The following HPRT1 variants were observed in gnomAD, a reference collection of about 807,000 sequenced individuals.
The protein encoded by HPRT1 is hypoxanthine phosphoribosyltransferase 1, also known as hypoxanthine-guanine phosphoribosyltransferase.
HPRT1 carries 4 observed loss-of-function variants against 19.0 expected under a neutral mutation model. The observed-to-expected ratio is 0.21, with a 90% CI of 0.10 to 0.48. The LOEUF (loss-of-function observed/expected upper bound fraction) is 0.48. Among genes scored for constraint, HPRT1 ranks in the 20% least tolerant of loss-of-function variants. The pLI, the probability that HPRT1 is intolerant of heterozygous loss-of-function variation, is 0.98. For missense variants in HPRT1, 65 were observed against 164.0 expected (o/e 0.40, Z 3.30); for synonymous variants, 53 against 54.9 (o/e 0.97, Z 0.15).
intron 3 of HPRT1, among the ~76,000 whole-genome samples, chrX:134,482,291 G>A (rs1467974214): frequency 9.0e-6 from 1 of 111,726 alleles, no homozygotes; most frequent in East Asian, 2.8e-4. Context: ...CTGGGCTTAA[G>A]CGATCCTCCC....
intron 5 of HPRT1, among the ~76,000 whole-genome samples, chrX:134,491,319 T>C (rs1381752756): frequency 9.0e-6 from 1 of 110,762 alleles, no homozygotes; most frequent in African/African-American, 3.3e-5. Context: ...GTTTTCAAGG[T>C]TCATTCATGT....
At chrX:134,498,792 G>C in intron 8 of HPRT1, 108 bp downstream of exon 8, 1 of 566,218 alleles carries the variant, frequency 1.8e-6, no homozygotes, top group South Asian at 2.5e-5. Flanking sequence ...CAGACTGATG[G>C]TTCCCATTAG....
At chrX:134,492,595 A>G in intron 5 of HPRT1, 1 of 323,604 alleles carries the variant, frequency 3.1e-6, no homozygotes, top group Non-Finnish European at 6.0e-6. Context: ...GCTCCCAGAT[A>G]TTTAAAGGCT....
At chrX:134,460,460 C>A in intron 1 of HPRT1, 122 bp downstream of exon 1, 2 of 511,390 alleles carry the variant, frequency 3.9e-6, no homozygotes, top group Non-Finnish European at 2.7e-6. Context: ...ACCCCGCAGG[C>A]GGGGGCGGCC....
intron 3 of HPRT1, among the ~76,000 whole-genome samples, chrX:134,483,708 C>T (rs1173396532): frequency 2.7e-5 from 3 of 111,565 alleles, no homozygotes; most frequent in Non-Finnish European, 5.7e-5. Context: ...GAGGGAGGTT[C>T]GCGCAGTTCC....
At chrX:134,491,694 C>T (rs1479344347) in intron 5 of HPRT1, among the ~76,000 whole-genome samples, 1 of 109,448 alleles carries the variant, frequency 9.1e-6, no homozygotes, top group Non-Finnish European at 1.9e-5. Context: ...CTTGATACCC[C>T]TTTCCTCTTC....
chrX:134,497,636 AAAAAGAAAAG>A (rs997842883), intron 6 of HPRT1, among the ~76,000 whole-genome samples: 3 of 108,961 alleles, frequency 2.8e-5, no homozygotes, highest in African/African-American at 1.0e-4. Flanking sequence ...CCATCTCAAA[AAAAAGAAAAG>A]AAAAGAAAAG....
chrX:134,493,619 T>C (rs370309875), intron 6 of HPRT1, 29 bp downstream of exon 6: 38 of 994,042 alleles, frequency 3.8e-5, no homozygotes, highest in South Asian at 2.3e-4. Flanking sequence ...CACAGAATAT[T>C]TTCCTCATTT....
intron 1 of HPRT1, among the ~76,000 whole-genome samples, chrX:134,464,250 G>A (rs1457060038): frequency 1.8e-5 from 2 of 112,018 alleles, no homozygotes; most frequent in Non-Finnish European, 3.8e-5. Flanking sequence ...TAGTTTATTT[G>A]TAAGACTGAT....
intron 6 of HPRT1, among the ~76,000 whole-genome samples, chrX:134,497,329 T>C (rs2077683591): frequency 9.3e-6 from 1 of 107,747 alleles, no homozygotes; most frequent in South Asian, 4.0e-4. Context: ...ACTCATCTCT[T>C]TAAAAAAAAG....
At chrX:134,468,819 T>C (rs1366326144) in intron 1 of HPRT1, among the ~76,000 whole-genome samples, 2 of 111,724 alleles carry the variant, frequency 1.8e-5, no homozygotes, top group Non-Finnish European at 3.8e-5. Context: ...TTAAGAGGAC[T>C]TAGACTTTTT....
chrX:134,466,167 C>T (rs1278731170), intron 1 of HPRT1, among the ~76,000 whole-genome samples: 2 of 110,572 alleles, frequency 1.8e-5, no homozygotes, highest in African/African-American at 3.3e-5. Context: ...CACCTGTAAT[C>T]CCAGCACTTT....
chrX:134,489,461 C>T (rs2077661329), intron 4 of HPRT1, among the ~76,000 whole-genome samples: 1 of 111,340 alleles, frequency 9.0e-6, no homozygotes, highest in East Asian at 2.8e-4. Context: ...ATGATGAGAG[C>T]TACAGATAAA....
At position 134,478,443 on chromosome X, in the gene HPRT1, C is replaced by T. The variant is rs186812423; in HGVS notation, c.318+3079C>T. Among the ~76,000 whole-genome samples the T allele has an allele frequency of 2.7e-3, 296 of 110,358 alleles. 1 individual carries two copies. Among genetic ancestry groups the T allele is most frequent in the African/African-American group, 9.1e-3 (277 of 30,340 alleles). On this transcript the variant is annotated intron_variant, in intron 3 of 8. Coordinates refer to ENST00000298556, the MANE Select transcript of HPRT1 (RefSeq NM_000194.3). ...ACCAGCCTAGACAACATAATGAGAC[C>T]CCCTCTCTACACAAAAAGAATTAGT... is the stretch of plus-strand genomic sequence containing the variant.
chrX:134,465,128 GCAGGCCAGGGGTGATC>G (rs1389139877), intron 1 of HPRT1, among the ~76,000 whole-genome samples: 2 of 107,593 alleles, frequency 1.9e-5, no homozygotes. Context: ...ACCATGTTGG[GCAGGCCAGGGGTGATC>G]CGCCCACCTC....
chrX:134,470,688 C>T (rs1447557402), intron 1 of HPRT1, among the ~76,000 whole-genome samples: 4 of 110,667 alleles, frequency 3.6e-5, no homozygotes, highest in Non-Finnish European at 7.5e-5. Context: ...TTTATTTCTT[C>T]AAATAGACTT....
rs200027842 is a variant in HPRT1, at chrX:134,477,015, G to GTTTATTTTAT, written c.318+1689_318+1698dup. ...CTATTTTTTTGGTATTTATTGATAT[G>GTTTATTTTAT]TTTATTTTATTTTATTTTATTTTAT... On this transcript the variant is annotated intron_variant, in intron 3 of 8. Transcript: ENST00000298556. Among the ~76,000 whole-genome samples the GTTTATTTTAT allele has an allele frequency of 6.8e-3, 668 of 97,686 alleles. 4 individuals are homozygous for GTTTATTTTAT. Among genetic ancestry groups the GTTTATTTTAT allele is most frequent in the Middle Eastern group, 0.016 (3 of 187 alleles). The allele number at this position is 97,686 out of a possible 115,157, so 84.8% of individuals were successfully genotyped here. A position where few individuals can be genotyped will look rare whatever the true frequency, so the allele number is the denominator to read the frequency against.
At chrX:134,470,647 C>T (rs1223420643) in intron 1 of HPRT1, among the ~76,000 whole-genome samples, 2 of 111,319 alleles carry the variant, frequency 1.8e-5, no homozygotes, top group African/African-American at 6.5e-5. Flanking sequence ...TATTGAATAG[C>T]ATGTGAGCTA....
chrX:134,464,020 G>A (rs1004409201), intron 1 of HPRT1, among the ~76,000 whole-genome samples: 5 of 107,965 alleles, frequency 4.6e-5, no homozygotes, highest in Non-Finnish European at 9.6e-5. Flanking sequence ...TTTTTTTTTT[G>A]TCCAGAGTGA....
Sources: gnomAD v4.1 joint callset for allele counts (sites outside exome capture counted in the v4.1 genomes callset) on GRCh38, gnomAD v4.1.1 for gene constraint, MANE v1.5 for transcripts, NCBI Gene and HGNC (gene_info 2026-07-23, HGNC 2026-07-21) for gene names.